ZHX2: variants seen among roughly 807,000 people sequenced by gnomAD.
The protein encoded by ZHX2 is zinc fingers and homeoboxes 2, also known as zinc fingers and homeoboxes protein 2.
ZHX2 carries 6 observed loss-of-function variants against 21.9 expected under a neutral mutation model. The observed-to-expected ratio is 0.27, with a 90% confidence interval of 0.15 to 0.54. The LOEUF (loss-of-function observed/expected upper bound fraction) is 0.54, where lower values mean the gene tolerates loss of function less well. Ranked by LOEUF, ZHX2 falls within the 20% of genes least tolerant of loss-of-function variation. The pLI is 0.95. For synonymous variants in ZHX2, 434 were observed against 437.1 expected (o/e 0.99, Z 0.09); for missense variants, 908 against 1,090.7 (o/e 0.83, Z 2.36).
Position 122,953,837 on chromosome 8 carries a change from G to A in ZHX2, c.2327G>A (p.Ser776Asn), listed in dbSNP as rs561724501. The A allele has an allele frequency of 2.4e-5, 38 of 1,614,134 alleles. No homozygotes were observed. In the South Asian group the frequency reaches 3.6e-4, roughly 15 times the overall value. ...EATSDRSEGS[S>N]RDGQGSDENE... ...ACCTCAGACCGGTCAGAGGGCAGCA[G>A]CCGGGACGGCCAGGGTAGCGACGAG... The change falls in exon 3 of 4, where the codon AGC becomes AAC. Residue 776 changes from serine to asparagine, a missense_variant. Coordinates refer to ENST00000314393, the MANE Select transcript of ZHX2 (RefSeq NM_014943.5). The surrounding 1 kb of genome is among the most constrained non-coding windows in gnomAD (Gnocchi z 4.6).
At chr8:122,841,322 T>C (rs1241910782) in intron 1 of ZHX2, among the ~76,000 whole-genome samples, 1 of 152,130 alleles carries the variant, frequency 6.6e-6, no homozygotes, top group Non-Finnish European at 1.5e-5. Flanking sequence ...TTTCCTGTAT[T>C]CAATCCAGTG....
intron 2 of ZHX2, among the ~76,000 whole-genome samples, chr8:122,937,108 T>C (rs373819526): frequency 6.6e-6 from 1 of 152,338 alleles, no homozygotes; most frequent in African/African-American, 2.4e-5. Context: ...AGGTAGGCAA[T>C]GCCTGCATCC....
chr8:122,893,492 T>G (rs1820028383), intron 2 of ZHX2, among the ~76,000 whole-genome samples: 1 of 152,172 alleles, frequency 6.6e-6, no homozygotes, highest in Non-Finnish European at 1.5e-5. Context: ...CCCTGTAGGC[T>G]TTTTTCATAC....
chr8:122,820,118 T>C (rs1818111412), intron 1 of ZHX2, among the ~76,000 whole-genome samples: 1 of 152,198 alleles, frequency 6.6e-6, no homozygotes, highest in South Asian at 2.1e-4. Flanking sequence ...AGAATACATT[T>C]TTTTTTCCTT....
chr8:122,862,999 TC>T (rs967957696), intron 1 of ZHX2, among the ~76,000 whole-genome samples: 1 of 152,152 alleles, frequency 6.6e-6, no homozygotes, highest in African/African-American at 2.4e-5. Context: ...GGCAGGAGTC[TC>T]CCAGGATATA....
chr8:122,944,351 T>C (rs1256509547), intron 2 of ZHX2, among the ~76,000 whole-genome samples: 1 of 152,206 alleles, frequency 6.6e-6, no homozygotes, highest in African/African-American at 2.4e-5. Context: ...TTTGCATTAA[T>C]AGTAGCTATT....
intron 2 of ZHX2, among the ~76,000 whole-genome samples, chr8:122,915,015 C>T (rs1049562024): frequency 9.9e-5 from 15 of 152,228 alleles, no homozygotes; most frequent in African/African-American, 3.6e-4. Context: ...TGGCCCTCCA[C>T]CCCTCCTGGT....
At chr8:122,818,308 AAAAC>A (rs1818073946) in intron 1 of ZHX2, among the ~76,000 whole-genome samples, 1 of 151,790 alleles carries the variant, frequency 6.6e-6, no homozygotes, top group Non-Finnish European at 1.5e-5. Context: ...TAAAAAAAAA[AAAAC>A]AACCATTTTG....
At chr8:122,944,518 CCTT>C (rs1282677551) in intron 2 of ZHX2, among the ~76,000 whole-genome samples, 2 of 152,138 alleles carry the variant, frequency 1.3e-5, no homozygotes, top group African/African-American at 4.8e-5. Flanking sequence ...TCCACTGTCA[CCTT>C]CTCAAAAAGG....
intron 1 of ZHX2, among the ~76,000 whole-genome samples, chr8:122,847,134 C>A (rs1818769745): frequency 1.3e-5 from 2 of 152,288 alleles, no homozygotes; most frequent in South Asian, 4.1e-4. Context: ...CCAGATGCCA[C>A]CCTCAGAAGG....
intron 1 of ZHX2, among the ~76,000 whole-genome samples, chr8:122,860,823 C>G (rs1819147366): frequency 6.6e-6 from 1 of 151,950 alleles, no homozygotes; most frequent in African/African-American, 2.4e-5. Context: ...ATCATGAGGT[C>G]AGAGATCGAG....
chr8:122,847,453 T>C (rs1456078265), intron 1 of ZHX2, among the ~76,000 whole-genome samples: 1 of 152,236 alleles, frequency 6.6e-6, no homozygotes, highest in Non-Finnish European at 1.5e-5. Context: ...CGGGCCCTGA[T>C]GACAGGCACG....
chr8:122,823,642 G>A (rs1183868823), intron 1 of ZHX2, among the ~76,000 whole-genome samples: 1 of 152,208 alleles, frequency 6.6e-6, no homozygotes, highest in Non-Finnish European at 1.5e-5. Flanking sequence ...CAGGTTCTCA[G>A]AAGCAGTCCT....
In ZHX2 at chr8:122,971,611, CAAAAAAA is replaced by C. The variant is rs56331425; in HGVS notation, c.*5-1616_*5-1610del. Among the ~76,000 whole-genome samples, 8 of 81,794 alleles carry C rather than the reference CAAAAAAA, an allele frequency of 9.8e-5. No homozygotes were observed. In the East Asian group the frequency reaches 1.1e-3, roughly 11 times the overall value. 53.7% of individuals were successfully genotyped at this position (81,794 alleles called of 152,430 possible). ...ACTCTCCTTGCTGTTGGCCCCTGTA[CAAAAAAA>C]AAAAAAAAAAAAAATTCCTTCTCAG... On this transcript the variant is annotated intron_variant, in intron 3 of 3. Coordinates refer to ENST00000314393, the MANE Select transcript of ZHX2 (RefSeq NM_014943.5).
chr8:122,821,493 A>G (rs941961943), intron 1 of ZHX2, among the ~76,000 whole-genome samples: 2 of 151,718 alleles, frequency 1.3e-5, no homozygotes, highest in Non-Finnish European at 2.9e-5. Flanking sequence ...TAAATCTCAT[A>G]TCTTACATCC....
chr8:122,845,929 T>G (rs1563751893), intron 1 of ZHX2, among the ~76,000 whole-genome samples: 1 of 152,304 alleles, frequency 6.6e-6, no homozygotes, highest in South Asian at 2.1e-4. Context: ...CTTCAAAAGT[T>G]TAAGCGGGAG....
At chr8:122,879,971 C>CA (rs1563765738) in intron 2 of ZHX2, among the ~76,000 whole-genome samples, 4 of 120,570 alleles carry the variant, frequency 3.3e-5, no homozygotes, top group African/African-American at 1.2e-4. Context: ...TCTATTGTTA[C>CA]CTTTTTTTTT....
At chr8:122,963,621 C>T (rs2130351360) in intron 3 of ZHX2, among the ~76,000 whole-genome samples, 1 of 152,112 alleles carries the variant, frequency 6.6e-6, no homozygotes, top group Non-Finnish European at 1.5e-5. Flanking sequence ...TTTTTGGTTT[C>T]ATATGACTTT....
chr8:122,794,850 A>AAG (rs1218163639), intron 1 of ZHX2, among the ~76,000 whole-genome samples: 3 of 152,180 alleles, frequency 2.0e-5, no homozygotes, highest in Non-Finnish European at 4.4e-5. Flanking sequence ...TCCCAGAAAG[A>AAG]CTATCCCCAA....
Sources: gnomAD v4.1 joint callset for allele counts (sites outside exome capture counted in the v4.1 genomes callset) on GRCh38, gnomAD v4.1.1 for gene constraint, Gnocchi (gnomAD v3.1) non-coding constraint, MANE v1.5 for transcripts, NCBI Gene and HGNC (gene_info 2026-07-23, HGNC 2026-07-21) for gene names.